CDH4: variants seen among roughly 807,000 people sequenced by gnomAD.
CDH4 encodes the protein cadherin-4.
CDH4 carries 33 observed loss-of-function variants against 86.0 expected under a neutral mutation model. The ratio of observed to expected loss-of-function variants is 0.38; its 90% confidence interval spans 0.29 to 0.51. The LOEUF is 0.51. CDH4 is among the 20% of genes least tolerant of loss of function. The pLI is 0.86. For synonymous variants in CDH4, 555 were observed against 549.4 expected (o/e 1.01, Z -0.14); for missense variants, 1,114 against 1,307.4 (o/e 0.85, Z 2.28).
In CDH4 at chr20:61,587,130, A is replaced by C. The variant is rs1007792964; in HGVS notation, c.170-156433A>C. Among the ~76,000 whole-genome samples the C allele has an allele frequency of 2.0e-5, 3 of 152,326 alleles. No individual in the cohort carries two copies. The East Asian group carries it at 5.8e-4, about 29-fold the overall frequency. Reference sequence around the variant, plus strand: ...ATCAGTACCATTGATCCAAGTGCTGAAGAAAGGCCGAGAATCCAAGAGAGC... The same window carrying C: ...ATCAGTACCATTGATCCAAGTGCTGCAGAAAGGCCGAGAATCCAAGAGAGC... On this transcript the variant is annotated intron_variant, in intron 2 of 15. Transcript: ENST00000614565.
chr20:61,365,315 G>A (rs553363996), intron 2 of CDH4, among the ~76,000 whole-genome samples: 11 of 152,254 alleles, frequency 7.2e-5, no homozygotes, highest in Admixed American at 2.0e-4. Flanking sequence ...TGTCTTCTTC[G>A]TGGGGCTTGG....
At chr20:61,700,268 A>G (rs943126402) in intron 2 of CDH4, among the ~76,000 whole-genome samples, 1 of 152,108 alleles carries the variant, frequency 6.6e-6, no homozygotes, top group Non-Finnish European at 1.5e-5. Context: ...ACGTCAGGGG[A>G]GCGCTCAGCA....
chr20:61,331,603 C>CA (rs2084574656), intron 2 of CDH4, among the ~76,000 whole-genome samples: 1 of 151,168 alleles, frequency 6.6e-6, no homozygotes. Flanking sequence ...CCTCCTGCCC[C>CA]GGCCACCTGC....
intron 2 of CDH4, among the ~76,000 whole-genome samples, chr20:61,673,256 C>T (rs1429590580): frequency 2.0e-5 from 3 of 152,332 alleles, no homozygotes; most frequent in East Asian, 1.9e-4. Flanking sequence ...ATCAGAGCAG[C>T]CCTAGGAGGC....
chr20:61,689,981 G>T (rs2087635087), intron 2 of CDH4, among the ~76,000 whole-genome samples: 2 of 151,602 alleles, frequency 1.3e-5, no homozygotes, highest in African/African-American at 2.4e-5. Flanking sequence ...GTGGAATCAG[G>T]CTGGGACGGT....
intron 6 of CDH4, among the ~76,000 whole-genome samples, chr20:61,869,929 T>A (rs1230312774): frequency 6.6e-6 from 1 of 152,158 alleles, no homozygotes; most frequent in East Asian, 1.9e-4. Context: ...TCCCATGATG[T>A]CGTGAGGTTA....
intron 2 of CDH4, among the ~76,000 whole-genome samples, chr20:61,275,428 G>T (rs2084224652): frequency 8.5e-6 from 1 of 116,962 alleles, no homozygotes; most frequent in Non-Finnish European, 1.7e-5. Flanking sequence ...GGGGAGTATT[G>T]GGGGAGTACC....
At chr20:61,464,797 G>A (rs1358127369) in intron 2 of CDH4, among the ~76,000 whole-genome samples, 1 of 152,190 alleles carries the variant, frequency 6.6e-6, no homozygotes, top group Non-Finnish European at 1.5e-5. Context: ...GCATCCACTG[G>A]GGGGTGGAGG....
At chr20:61,476,673 TTAAG>T (rs2085538086) in intron 2 of CDH4, among the ~76,000 whole-genome samples, 1 of 152,228 alleles carries the variant, frequency 6.6e-6, no homozygotes, top group Non-Finnish European at 1.5e-5. Context: ...AGCTCTGCAA[TTAAG>T]TGTTAGGCTG....
At chr20:61,528,466 A>AGGGGAGGGGAGGGG (rs2085928737) in intron 2 of CDH4, among the ~76,000 whole-genome samples, 1 of 8,172 alleles carries the variant, frequency 1.2e-4, no homozygotes, top group African/African-American at 4.7e-4. Context: ...GGGGAGAGGG[A>AGGGGAGGGGAGGGG]GGGGGAGGGG....
chr20:61,256,577 C>T (rs1051207962), intron 2 of CDH4, among the ~76,000 whole-genome samples: 6 of 152,328 alleles, frequency 3.9e-5, no homozygotes, highest in Middle Eastern at 3.4e-3. Flanking sequence ...GGCCGGATGT[C>T]GGCCTGGCCC....
At chr20:61,527,103 G>A (rs1285223794) in intron 2 of CDH4, among the ~76,000 whole-genome samples, 3 of 152,228 alleles carry the variant, frequency 2.0e-5, no homozygotes, top group African/African-American at 4.8e-5. Context: ...TGAACTACGC[G>A]CACATACAGA....
chr20:61,936,746 G>C lies in CDH4; in HGVS notation c.2554G>C (p.Ala852Pro), dbSNP rs373341715. The change falls in exon 16 of 16, where the codon GCT (alanine) becomes CCT (proline). Residue 852 changes from alanine to proline, a missense_variant. Around this residue, in one of 3 missense-constraint regions of CDH4, gnomAD observed 188 missense variants for 183.8 expected, o/e 1.02. Transcript: ENST00000614565. Reference sequence around the variant, plus strand: ...TGTCTGTGACCCCCAGGGACTCCGCGCTGCTGACAACGACCCCACGGCACC... The same window carrying C: ...TGTCTGTGACCCCCAGGGACTCCGCCCTGCTGACAACGACCCCACGGCACC... ...IGDFINEGLR[A>P]ADNDPTAPPY... The C allele has an allele frequency of 6.3e-7, 1 of 1,598,232 alleles. No individual in the cohort carries two copies. The highest frequency in any genetic ancestry group is 8.5e-7 in the Non-Finnish European group (1 of 1,173,656).
intron 2 of CDH4, among the ~76,000 whole-genome samples, chr20:61,689,179 GTGGAAT>G (rs1458897119): frequency 2.2e-4 from 34 of 152,262 alleles, no homozygotes; most frequent in Admixed American, 3.3e-4. Context: ...GTGAGGTGAT[GTGGAAT>G]CAGGCTGGGA....
chr20:61,513,215 T>C (rs563150562), intron 2 of CDH4, among the ~76,000 whole-genome samples: 4 of 152,254 alleles, frequency 2.6e-5, no homozygotes, highest in African/African-American at 7.2e-5. Context: ...GGTCTGGCCC[T>C]TCCTGCCCCA....
At chr20:61,384,013 G>A (rs2084937298) in intron 2 of CDH4, among the ~76,000 whole-genome samples, 1 of 151,972 alleles carries the variant, frequency 6.6e-6, no homozygotes, top group Non-Finnish European at 1.5e-5. Context: ...TGATGTTTGA[G>A]AGCAGGAAGC....
At chr20:61,556,446 G>A (rs887633748) in intron 2 of CDH4, among the ~76,000 whole-genome samples, 2 of 152,180 alleles carry the variant, frequency 1.3e-5, no homozygotes, top group African/African-American at 4.8e-5. Context: ...ATATCTGGGT[G>A]TTCTGCACAC....
At chr20:61,792,771 C>T (rs577888564) in intron 4 of CDH4, among the ~76,000 whole-genome samples, 9 of 152,144 alleles carry the variant, frequency 5.9e-5, no homozygotes, top group Non-Finnish European at 7.4e-5. Context: ...CTGCCTCAAC[C>T]TTCCGAGTAG....
chr20:61,798,539 G>A (rs549214396), intron 4 of CDH4, among the ~76,000 whole-genome samples: 10 of 152,322 alleles, frequency 6.6e-5, no homozygotes, highest in East Asian at 5.8e-4. Context: ...CAACAGACGC[G>A]GCTGCTGCAT....
Sources: gnomAD v4.1 joint callset for allele counts (sites outside exome capture counted in the v4.1 genomes callset) on GRCh38, gnomAD v4.1.1 for gene constraint, gnomAD v4.1.1 regional missense constraint, MANE v1.5 for transcripts, NCBI Gene and HGNC (gene_info 2026-07-23, HGNC 2026-07-21) for gene names.